The following PCNX2 variants were observed in gnomAD, a reference collection of about 807,000 sequenced individuals.
PCNX2 encodes the protein pecanex-like protein 2.
PCNX2 carries 168 observed loss-of-function variants against 223.8 expected under a neutral mutation model. That is an observed-to-expected ratio of 0.75 (90% CI 0.66 to 0.85). The LOEUF (loss-of-function observed/expected upper bound fraction) is 0.85. Ranked by LOEUF, PCNX2 falls within the 40% of genes least tolerant of loss-of-function variation. The pLI is 0.00. For synonymous variants in PCNX2, 1,006 were observed against 1,052.6 expected (o/e 0.96, Z 0.86); for missense variants, 2,507 against 2,675.5 (o/e 0.94, Z 1.39).
chr1:233,233,000 T>C, intron 9 of PCNX2: 1 of 985,370 alleles, frequency 1.0e-6, no homozygotes, highest in Non-Finnish European at 1.2e-6. Flanking sequence ...CATATCCAGG[T>C]GAGAGTAAAT....
intron 21 of PCNX2, among the ~76,000 whole-genome samples, chr1:233,128,627 G>A (rs763430529): frequency 1.3e-5 from 2 of 152,152 alleles, no homozygotes; most frequent in Admixed American, 6.5e-5. Flanking sequence ...GAGCCACTGT[G>A]CCCGGCCAAC....
chr1:233,315,249 A>T, the PCNX2 span, among the ~76,000 whole-genome samples: 1 of 152,214 alleles, frequency 6.6e-6, no homozygotes, highest in Non-Finnish European at 1.5e-5. Flanking sequence ...AATGTCAGAA[A>T]ATATTTTAAA....
intron 28 of PCNX2, among the ~76,000 whole-genome samples, chr1:233,013,063 A>G (rs1450915778): frequency 6.6e-6 from 1 of 152,212 alleles, no homozygotes; most frequent in African/African-American, 2.4e-5. Context: ...TTAGTCCCAG[A>G]TGGCCACAAA....
At chr1:233,278,854 C>T (rs1216335868) in intron 1 of PCNX2, among the ~76,000 whole-genome samples, 1 of 152,172 alleles carries the variant, frequency 6.6e-6, no homozygotes, top group African/African-American at 2.4e-5. Flanking sequence ...TCTCCCCTTT[C>T]TGTAGGATGC....
Position 232,999,251 on chromosome 1 carries a change from G to C in PCNX2, c.5457C>G (p.Ser1819=). ...NKQVLRNLIN[S]SCDQPLGYPM... is the part of the protein sequence containing the mutation. ...GGTACCCCAGGGGCTGATCGCAGGAGGAGTTAATCAAGTTCCGCAGGACCT... is the reference window on the plus strand; with the variant it reads ...GGTACCCCAGGGGCTGATCGCAGGACGAGTTAATCAAGTTCCGCAGGACCT... The change falls in exon 31 of 34, where the codon TCC becomes TCG. Residue 1819 remains serine, a synonymous_variant. Coordinates refer to ENST00000258229, the MANE Select transcript of PCNX2 (RefSeq NM_014801.4). 6.2e-7 allele frequency: 1 copy of C among 1,613,736 alleles called. No individual in the cohort carries two copies. The highest frequency in any genetic ancestry group is 8.5e-7 in the Non-Finnish European group (1 of 1,179,792).
chr1:233,123,801 G>C lies in PCNX2; in HGVS notation c.3837+11212C>G, dbSNP rs551507296. ...AACCTTCATTGTCTCAATTCAAGTA[G>C]AATAAAAAACAGAAATGGAAACTGA... is the stretch of plus-strand genomic sequence containing the variant. On this transcript the variant is annotated intron_variant, in intron 21 of 33. Coordinates refer to ENST00000258229, the MANE Select transcript of PCNX2 (RefSeq NM_014801.4). Among the ~76,000 whole-genome samples the C allele has an allele frequency of 7.9e-5, 12 of 152,150 alleles. No individual in the cohort carries two copies. The East Asian group carries it at 2.3e-3, about 29-fold the overall frequency.
At chr1:233,146,093 C>T (rs1405746622) in intron 19 of PCNX2, among the ~76,000 whole-genome samples, 1 of 152,204 alleles carries the variant, frequency 6.6e-6, no homozygotes, top group East Asian at 1.9e-4. Context: ...AGGTACTCAA[C>T]CTGTATTATT....
At chr1:233,141,321 A>G (rs1265113805) in intron 19 of PCNX2, among the ~76,000 whole-genome samples, 2 of 152,208 alleles carry the variant, frequency 1.3e-5, no homozygotes, top group African/African-American at 4.8e-5. Context: ...TTTCTATATA[A>G]GAATATATCA....
chr1:233,028,157 T>C (rs770355212), intron 25 of PCNX2, among the ~76,000 whole-genome samples: 29 of 152,222 alleles, frequency 1.9e-4, no homozygotes, highest in Non-Finnish European at 2.6e-4. Context: ...GCTTAGCACA[T>C]GGTGTATTTC....
chr1:233,246,315 C>T (rs1164374606), intron 8 of PCNX2, among the ~76,000 whole-genome samples: 2 of 152,214 alleles, frequency 1.3e-5, no homozygotes, highest in Non-Finnish European at 2.9e-5. Flanking sequence ...CCACTCCTCT[C>T]TACCATTCCA....
At chr1:233,245,871 G>A (rs531648048) in intron 8 of PCNX2, among the ~76,000 whole-genome samples, 10 of 152,222 alleles carry the variant, frequency 6.6e-5, no homozygotes, top group East Asian at 3.9e-4. Context: ...AGCCCAGATC[G>A]CGCCACTGCA....
At chr1:233,160,565 C>T in intron 18 of PCNX2, 132 bp from the exon 19 acceptor site, 1 of 1,051,880 alleles carries the variant, frequency 9.5e-7, no homozygotes, top group Non-Finnish European at 1.3e-6. Context: ...GTTCTTGTTT[C>T]AGGCCTCTGA....
chr1:233,042,857 T>C (rs893975899), intron 25 of PCNX2, among the ~76,000 whole-genome samples: 3 of 152,146 alleles, frequency 2.0e-5, no homozygotes, highest in Admixed American at 2.0e-4. Flanking sequence ...TCATGTTTAA[T>C]GAACTAAATA....
At chr1:233,326,352 T>C in the PCNX2 span, among the ~76,000 whole-genome samples, 1 of 152,234 alleles carries the variant, frequency 6.6e-6, no homozygotes, top group East Asian at 1.9e-4. Flanking sequence ...ATAGTTGTTA[T>C]GCTGTATTTT....
intron 8 of PCNX2, among the ~76,000 whole-genome samples, chr1:233,237,886 G>A (rs1658512559): frequency 6.6e-6 from 1 of 152,198 alleles, no homozygotes; most frequent in Non-Finnish European, 1.5e-5. Context: ...AACTCTAAGA[G>A]GTCACTGGGG....
chr1:233,000,253 CAGAT>C lies in PCNX2; in HGVS notation c.5328+48_5328+51del. On this transcript the variant is annotated intron_variant, in intron 30 of 33. Transcript: ENST00000258229. The surrounding 1 kb of genome is among the most constrained non-coding windows in gnomAD (Gnocchi z 4.6). ...TGCCCACCACCATTCTATTTCTTCTCAGATAGAGAGACACGAGCCAACAGGGGAC... is the reference window on the plus strand; with the variant it reads ...TGCCCACCACCATTCTATTTCTTCTCAGAGAGACACGAGCCAACAGGGGAC... The C allele has an allele frequency of 2.6e-6, 4 of 1,536,076 alleles. No individual in the cohort carries two copies. The highest frequency in any genetic ancestry group is 2.2e-5 in the South Asian group (2 of 89,100).
chr1:233,236,709 T>G, intron 9 of PCNX2, 136 bp downstream of exon 9: 2 of 1,260,806 alleles, frequency 1.6e-6, no homozygotes, highest in Non-Finnish European at 2.2e-6. Flanking sequence ...TGCCTTGCAG[T>G]GATATATCAA....
chr1:233,101,165 G>A (rs757551281), intron 21 of PCNX2, among the ~76,000 whole-genome samples: 5 of 152,078 alleles, frequency 3.3e-5, no homozygotes, highest in Admixed American at 6.6e-5. Context: ...ATTAAAAGCC[G>A]GAAACAAAGG....
intron 21 of PCNX2, among the ~76,000 whole-genome samples, chr1:233,101,725 G>A (rs563145033): frequency 2.0e-5 from 3 of 152,344 alleles, no homozygotes; most frequent in South Asian, 2.1e-4. Context: ...GAATGGTTAA[G>A]TCTGAACTGA....
Sources: allele counts gnomAD v4.1 joint callset (sites outside exome capture counted in the v4.1 genomes callset), GRCh38; gene constraint gnomAD v4.1.1; non-coding constraint Gnocchi (gnomAD v3.1); transcripts MANE v1.5; gene names NCBI Gene and HGNC (gene_info 2026-07-23, HGNC 2026-07-21).